PKNOX2: variants seen among roughly 807,000 people sequenced by gnomAD.
PKNOX2 encodes the protein PBX/knotted 1 homeobox 2, also known as homeobox protein PKNOX2.
Under a neutral mutation model 53.1 loss-of-function variants are expected in PKNOX2, and 14 were observed. The observed-to-expected ratio is 0.26, with a 90% CI of 0.17 to 0.41. The LOEUF is 0.41. PKNOX2 is among the 10% of genes least tolerant of loss of function. PKNOX2 has a pLI of 1.00. For missense variants in PKNOX2, 496 were observed against 602.8 expected (o/e 0.82, Z 1.85); for synonymous variants, 257 against 242.8 (o/e 1.06, Z -0.54).
chr11:125,297,388 A>T (rs1947726459), intron 2 of PKNOX2, among the ~76,000 whole-genome samples: 1 of 152,192 alleles, frequency 6.6e-6, no homozygotes, highest in Non-Finnish European at 1.5e-5. Flanking sequence ...ATAGAAAATA[A>T]TTCTTGATCT....
intron 1 of PKNOX2, among the ~76,000 whole-genome samples, chr11:125,185,171 G>A (rs1259993029): frequency 2.0e-5 from 3 of 152,230 alleles, no homozygotes; most frequent in African/African-American, 4.8e-5. Context: ...CTGCAGCTCT[G>A]TGCCCAGTGG....
chr11:125,235,411 G>A (rs894977440), intron 2 of PKNOX2, among the ~76,000 whole-genome samples: 10 of 152,222 alleles, frequency 6.6e-5, no homozygotes, highest in African/African-American at 1.2e-4. Flanking sequence ...CTGCAAGGCC[G>A]ACCCAGACCC....
At chr11:125,261,220 A>G (rs1484396183) in intron 2 of PKNOX2, among the ~76,000 whole-genome samples, 1 of 152,078 alleles carries the variant, frequency 6.6e-6, no homozygotes, top group African/African-American at 2.4e-5. Flanking sequence ...TGCTGTCAGG[A>G]TGGGATGTTG....
intron 2 of PKNOX2, among the ~76,000 whole-genome samples, chr11:125,253,306 GA>G (rs1394575773): frequency 1.3e-5 from 2 of 152,128 alleles, no homozygotes; most frequent in African/African-American, 2.4e-5. Flanking sequence ...CTGTCATAAA[GA>G]GGAGGAAACA....
chr11:125,191,690 G>T lies in PKNOX2; in HGVS notation c.-201+26914G>T, dbSNP rs1053945787. Among the ~76,000 whole-genome samples the T allele has an allele frequency of 1.5e-4, 23 of 152,114 alleles. 1 individual carries two copies. The highest frequency in any genetic ancestry group is 1.0e-4 in the Non-Finnish European group (7 of 68,020). ...CATGTTTTGGGTGCGGTGTGGAGTG[G>T]AGGTGGCCAGCTCAGGAGGGCTGGA... On this transcript the variant is annotated intron_variant, in intron 1 of 12. Coordinates refer to ENST00000298282, the MANE Select transcript of PKNOX2 (RefSeq NM_001382323.2).
intron 2 of PKNOX2, among the ~76,000 whole-genome samples, chr11:125,251,619 A>G (rs980483036): frequency 1.3e-5 from 2 of 151,830 alleles, no homozygotes. Context: ...ATCTACACAG[A>G]TGGGGTGCAG....
chr11:125,404,701 T>G (rs183808502), intron 7 of PKNOX2, among the ~76,000 whole-genome samples: 174 of 152,226 alleles, frequency 1.1e-3, no homozygotes, highest in Non-Finnish European at 4.9e-4. Flanking sequence ...ACCACACATG[T>G]ATCTCGCATG....
At chr11:125,376,834 A>G (rs1224576128) in intron 5 of PKNOX2, among the ~76,000 whole-genome samples, 2 of 152,232 alleles carry the variant, frequency 1.3e-5, no homozygotes, top group Non-Finnish European at 2.9e-5. Context: ...AGTCCTGTGC[A>G]CAAACGACTG....
intron 2 of PKNOX2, among the ~76,000 whole-genome samples, chr11:125,270,545 G>A (rs1209792981): frequency 6.6e-6 from 1 of 152,170 alleles, no homozygotes; most frequent in Non-Finnish European, 1.5e-5. Context: ...AAGCTAAAAA[G>A]CCCTCATTCA....
At chr11:125,231,137 CAG>C (rs1942168796) in intron 1 of PKNOX2, among the ~76,000 whole-genome samples, 1 of 152,212 alleles carries the variant, frequency 6.6e-6, no homozygotes, top group South Asian at 2.1e-4. Flanking sequence ...AAGTTAATAA[CAG>C]AGTCAGGGCA....
intron 5 of PKNOX2, among the ~76,000 whole-genome samples, chr11:125,374,537 T>C (rs969065197): frequency 6.6e-6 from 1 of 152,182 alleles, no homozygotes; most frequent in Non-Finnish European, 1.5e-5. Flanking sequence ...CCCTGCCCTT[T>C]CTATGGCATC....
At chr11:125,317,049 A>G (rs1949240299) in intron 2 of PKNOX2, among the ~76,000 whole-genome samples, 1 of 152,252 alleles carries the variant, frequency 6.6e-6, no homozygotes. Context: ...CAGTATCTTC[A>G]CCAGGAGGAG....
rs60352613 is a variant in PKNOX2, at chr11:125,341,322, C to T, written c.-23+9397C>T. ...AGTAAGCCGAGATCGTGCCACTGCA[C>T]TGCACTCCAGCTTGGTGACAGAGCA... is the stretch of plus-strand genomic sequence containing the variant. On this transcript the variant is annotated intron_variant, in intron 3 of 12. Coordinates refer to ENST00000298282, the MANE Select transcript of PKNOX2 (RefSeq NM_001382323.2). 9.6e-3 allele frequency among the ~76,000 whole-genome samples: 1,451 copies of T among 150,546 alleles called. 20 individuals are homozygous for T. The highest frequency in any genetic ancestry group is 0.033 in the African/African-American group (1,359 of 40,846).
chr11:125,293,137 G>C (rs1054741553), intron 2 of PKNOX2, among the ~76,000 whole-genome samples: 2 of 152,064 alleles, frequency 1.3e-5, no homozygotes, highest in Non-Finnish European at 2.9e-5. Context: ...ATTGCCTCTG[G>C]GGGTGGGGTG....
At chr11:125,232,257 G>A (rs1457151667) in intron 1 of PKNOX2, among the ~76,000 whole-genome samples, 1 of 152,202 alleles carries the variant, frequency 6.6e-6, no homozygotes, top group Non-Finnish European at 1.5e-5. Flanking sequence ...AAAGGGACAA[G>A]GAAGATACAT....
Position 125,411,882 on chromosome 11 carries a change from TGGG to T in PKNOX2, c.936+20_936+22del. The T allele has an allele frequency of 6.2e-7, 1 of 1,613,886 alleles. No homozygotes were observed. The highest frequency in any genetic ancestry group is 8.5e-7 in the Non-Finnish European group (1 of 1,179,824). ...CATCTCATGGTGAGTGTGTGTGTCT[TGGG>T]GGTGTGGAGTCCCGGCATGGGGTAT... On this transcript the variant is annotated intron_variant, in intron 10 of 12. Transcript: ENST00000298282.
At chr11:125,427,879 A>T (rs1176909804) in intron 10 of PKNOX2, among the ~76,000 whole-genome samples, 1 of 152,048 alleles carries the variant, frequency 6.6e-6, no homozygotes, top group African/African-American at 2.4e-5. Flanking sequence ...TGGCCTGAAC[A>T]AGTCCTAGGG....
chr11:125,374,860 G>C (rs1017219732), intron 5 of PKNOX2, among the ~76,000 whole-genome samples: 2 of 151,516 alleles, frequency 1.3e-5, no homozygotes, highest in Admixed American at 1.3e-4. Context: ...TCATGAAGAA[G>C]GACTGCACCG....
chr11:125,250,490 A>C (rs1193885325), intron 2 of PKNOX2, among the ~76,000 whole-genome samples: 1 of 152,140 alleles, frequency 6.6e-6, no homozygotes, highest in Non-Finnish European at 1.5e-5. Flanking sequence ...TTTTAGAGAC[A>C]GGCAGACTTC....
Sources: gnomAD v4.1 joint callset for allele counts (sites outside exome capture counted in the v4.1 genomes callset) on GRCh38, gnomAD v4.1.1 for gene constraint, MANE v1.5 for transcripts, NCBI Gene and HGNC (gene_info 2026-07-23, HGNC 2026-07-21) for gene names.